Variants in GALK2 observed in about 807,000 individuals in gnomAD.
The protein encoded by GALK2 is N-acetylgalactosamine kinase.
A neutral mutation model predicts 52.4 loss-of-function variants in GALK2; 36 were observed. The observed-to-expected ratio is 0.69, with a 90% CI of 0.53 to 0.91. The LOEUF (loss-of-function observed/expected upper bound fraction) is 0.91. Among genes scored for constraint, GALK2 ranks in the 40% least tolerant of loss-of-function variants. The pLI is 0.00. For synonymous variants in GALK2, 176 were observed against 199.1 expected (o/e 0.88, Z 0.98); for missense variants, 579 against 559.1 (o/e 1.04, Z -0.36).
intron 2 of GALK2, among the ~76,000 whole-genome samples, chr15:49,210,973 T>TCTCA (rs368483548): frequency 6.8e-6 from 1 of 146,652 alleles, no homozygotes; most frequent in African/African-American, 2.5e-5. Context: ...ACACACACAC[T>TCTCA]CACACACACA....
Position 49,170,374 on chromosome 15 carries a change from A to G in GALK2, c.52A>G (p.Arg18Gly), listed in dbSNP as rs769054090. ...TCGGGTCCAGGTGGCAGAACATCCTAGGTGGGGGAGAGGAGACGCCGGGCT... is the reference window on the plus strand; with the variant it reads ...TCGGGTCCAGGTGGCAGAACATCCTGGGTGGGGGAGAGGAGACGCCGGGCT... Reference protein sequence around the residue: ...TRRVQVAEHPRLLKLKEMFNS... With the variant: ...TRRVQVAEHPGLLKLKEMFNS... The change falls in exon 1 of 10, where the codon AGG (arginine) becomes GGG (glycine). Residue 18 changes from arginine to glycine, a missense_variant and splice_region_variant. Physicochemically the swap from Arg to Gly is moderately radical, Grantham distance 125. Transcript: ENST00000560031. The G allele has an allele frequency of 1.1e-5, 17 of 1,589,368 alleles. No homozygotes were observed. The South Asian group carries it at 2.0e-4, about 18-fold the overall frequency.
intron 1 of GALK2, among the ~76,000 whole-genome samples, chr15:49,164,705 C>T (rs2084761472): frequency 6.8e-6 from 1 of 147,768 alleles, no homozygotes; most frequent in Non-Finnish European, 1.5e-5. Flanking sequence ...CGCTTGAACC[C>T]AGCAGGCGGA....
chr15:49,294,942 C>G (rs1005547146), intron 8 of GALK2, among the ~76,000 whole-genome samples: 4 of 152,110 alleles, frequency 2.6e-5, no homozygotes, highest in Admixed American at 1.3e-4. Context: ...TACTGGAGAA[C>G]ATGCACCAAG....
chr15:49,367,581 A>T (rs1567165203), exon 4 of GALK2: 1 of 1,599,516 alleles, frequency 6.3e-7, no homozygotes, highest in Non-Finnish European at 8.5e-7. Flanking sequence ...ACACGATTAA[A>T]CTCTGGACCA....
chr15:49,294,360 A>G (rs535797725), intron 8 of GALK2, among the ~76,000 whole-genome samples: 43 of 152,120 alleles, frequency 2.8e-4, no homozygotes, highest in Non-Finnish European at 5.7e-4. Context: ...GGAACTACAG[A>G]TAGTTGAGTG....
Position 49,239,361 on chromosome 15 carries a change from A to G in GALK2, c.498A>G (p.Leu166=), listed in dbSNP as rs1439263231. 1.2e-6 allele frequency: 2 copies of G among 1,613,798 alleles called. No homozygotes were observed. Among genetic ancestry groups the G allele is most frequent in the East Asian group, 2.2e-5 (1 of 44,858 alleles). The stretch of plus-strand genomic sequence containing the variant: ...CGCTCACAGTGCTGGGAAGGAATCT[A>G]TCCAAGGTAACTACCTTTGATAGGA... ...LVTLTVLGRN[L]SKVELAEICA... is the part of the protein sequence containing the mutation. The change falls in exon 5 of 10, where the codon CTA becomes CTG. Residue 166 remains leucine, a synonymous_variant. Transcript: ENST00000560031.
rs912623292 is a variant in GALK2, at chr15:49,358,072, T to C, written c.427-9419T>C. Among the ~76,000 whole-genome samples the C allele has an allele frequency of 2.6e-5, 4 of 152,056 alleles. No individual in the cohort carries two copies. The East Asian group carries it at 5.8e-4, about 22-fold the overall frequency. On this transcript the variant is annotated intron_variant, in intron 3 of 3. Transcript: ENST00000558399. The stretch of plus-strand genomic sequence containing the variant: ...CTAAAAGCTATCAATAAATTAGGTA[T>C]TGATGGGACGTATTTCAAAATAATA...
At chr15:49,347,839 T>C (rs1177483156) in intron 3 of GALK2, among the ~76,000 whole-genome samples, 1 of 152,014 alleles carries the variant, frequency 6.6e-6, no homozygotes, top group African/African-American at 2.4e-5. Flanking sequence ...GCCAACATGG[T>C]GAAACCCCGT....
chr15:49,300,630 G>A (rs752596569), intron 8 of GALK2, among the ~76,000 whole-genome samples: 18 of 151,940 alleles, frequency 1.2e-4, no homozygotes, highest in Non-Finnish European at 1.9e-4. Context: ...ATTGAATCAC[G>A]GTGCCAGTTA....
intron 8 of GALK2, among the ~76,000 whole-genome samples, chr15:49,309,845 C>T (rs2035847924): frequency 6.6e-6 from 1 of 152,002 alleles, no homozygotes; most frequent in African/African-American, 2.4e-5. Context: ...TCTCGAACTC[C>T]CGACCTCAGG....
chr15:49,242,616 T>C (rs1279210544), intron 5 of GALK2, among the ~76,000 whole-genome samples: 1 of 152,196 alleles, frequency 6.6e-6, no homozygotes. Flanking sequence ...TTACTGCAGA[T>C]GGGATATAAT....
rs769416028 is a variant in GALK2, at chr15:49,328,580, T to C, written c.*421T>C. 1.7e-5 allele frequency: 27 copies of C among 1,600,674 alleles called. No homozygotes were observed. Among genetic ancestry groups the C allele is most frequent in the Non-Finnish European group, 2.3e-5 (27 of 1,171,276 alleles). Reference sequence around the variant, plus strand: ...TTTCTGGTTTCTCTTAGTATTCTTCTTCCTCAAAGTTGTAGTTGTCTGTTG... The same window carrying C: ...TTTCTGGTTTCTCTTAGTATTCTTCCTCCTCAAAGTTGTAGTTGTCTGTTG... On this transcript the variant is annotated 3_prime_UTR_variant, in exon 10 of 10. Coordinates refer to ENST00000560031, the MANE Select transcript of GALK2 (RefSeq NM_002044.4).
At chr15:49,339,337 A>G (rs1030528149) in intron 3 of GALK2, among the ~76,000 whole-genome samples, 3 of 151,894 alleles carry the variant, frequency 2.0e-5, no homozygotes, top group African/African-American at 4.8e-5. Flanking sequence ...CTTTTTGTTG[A>G]TGTTGATATT....
chr15:49,349,925 CAAAAT>C lies in GALK2; in HGVS notation c.427-17565_427-17561del, dbSNP rs200488413. On this transcript the variant is annotated intron_variant, in intron 3 of 3. Transcript: ENST00000558399. ...AAGGGGAAAAAAAATCCAACCAAAA[CAAAAT>C]GAGAGGGAGAATTTAAGAATTTAGA... is the stretch of plus-strand genomic sequence containing the variant. 5.6e-3 allele frequency among the ~76,000 whole-genome samples: 858 copies of C among 152,026 alleles called. 5 individuals are homozygous for C. Among genetic ancestry groups the C allele is most frequent in the African/African-American group, 0.02 (817 of 41,482 alleles).
At position 49,219,086 on chromosome 15, in the gene GALK2, C is replaced by A. The variant is rs565436609; in HGVS notation, c.266+1773C>A. 9.2e-5 allele frequency among the ~76,000 whole-genome samples: 14 copies of A among 152,314 alleles called. 1 individual carries two copies. The highest frequency in any genetic ancestry group is 2.9e-4 in the African/African-American group (12 of 41,580). ...AAGTGATCCACCTGCATCAGCCTCC[C>A]AAAGTGCTGGGATTGCAGGTTTGAG... On this transcript the variant is annotated intron_variant, in intron 3 of 9. Coordinates refer to ENST00000560031, the MANE Select transcript of GALK2 (RefSeq NM_002044.4).
chr15:49,170,138 G>GGGAGGAGGAGCC, upstream of GALK2: 1 of 1,387,950 alleles, frequency 7.2e-7, no homozygotes, highest in Non-Finnish European at 9.5e-7. Flanking sequence ...GCTGAGTCCA[G>GGGAGGAGGAGCC]GGAGGAGGAG....
Position 49,209,628 on chromosome 15 carries a change from A to G in GALK2, c.143-7562A>G, listed in dbSNP as rs371404895. Among the ~76,000 whole-genome samples the G allele has an allele frequency of 1.5e-4, 23 of 152,214 alleles. No homozygotes were observed. In the East Asian group the frequency reaches 4.0e-3, roughly 27 times the overall value. ...GTCCTTCATTCTGTTGATGTGATAT[A>G]TCGTATTTTTGGATTTGTGTATGTT... is the stretch of plus-strand genomic sequence containing the variant. On this transcript the variant is annotated intron_variant, in intron 2 of 9. Transcript: ENST00000560031.
chr15:49,232,741 G>T (rs2090572302), intron 3 of GALK2, among the ~76,000 whole-genome samples: 1 of 152,168 alleles, frequency 6.6e-6, no homozygotes, highest in Non-Finnish European at 1.5e-5. Context: ...TCACTCTCAA[G>T]TTCAAAGTTC....
intron 5 of GALK2, among the ~76,000 whole-genome samples, chr15:49,249,345 C>G (rs181282859): frequency 3.9e-5 from 6 of 152,088 alleles, no homozygotes; most frequent in Non-Finnish European, 7.4e-5. Context: ...TAACTTTGTC[C>G]CCTCTGTGGC....
Sources: gnomAD v4.1 joint callset for allele counts (sites outside exome capture counted in the v4.1 genomes callset) on GRCh38, gnomAD v4.1.1 for gene constraint, MANE v1.5 for transcripts, NCBI Gene and HGNC (gene_info 2026-07-23, HGNC 2026-07-21) for gene names.